Variants in GNL3 observed in about 807,000 individuals in gnomAD.
The protein encoded by GNL3 is guanine nucleotide-binding protein-like 3.
In GNL3, 77 loss-of-function variants were observed where a neutral mutation model predicts 70.6. The ratio of observed to expected loss-of-function variants is 1.09; its 90% confidence interval spans 0.91 to 1.32. The LOEUF is 1.32. GNL3 is among the 40% of genes most tolerant of loss of function. GNL3 has a pLI of 0.00. For missense variants in GNL3, 634 were observed against 644.0 expected, an observed-to-expected ratio of 0.98 and a Z score of 0.17; for synonymous variants, 252 against 216.1, an observed-to-expected ratio of 1.17 and a Z score of -1.46.
At position 52,690,934 on chromosome 3, in the gene GNL3, T is replaced by A. The variant is rs2154099617; in HGVS notation, c.655-11T>A. 1 of 1,613,432 alleles carries A rather than the reference T, an allele frequency of 6.2e-7. No individual in the cohort carries two copies. Among genetic ancestry groups the A allele is most frequent in the East Asian group, 2.2e-5 (1 of 44,870 alleles). ...AAGTTGCCAGAATAATTCAACTATT[T>A]GGAATTTTAGCGTGTGAAGGCAAAG... On this transcript the variant is annotated splice_polypyrimidine_tract_variant and intron_variant, in intron 7 of 14. Transcript: ENST00000418458.
At chr3:52,686,994 A>G in intron 2 of GNL3, 167 bp downstream of exon 2, 1 of 634,994 alleles carries the variant, frequency 1.6e-6, no homozygotes, top group Non-Finnish European at 2.8e-6. Context: ...GCTGTGAGAA[A>G]GTGCAGTGAT....
rs1471865929 is a variant in GNL3 at position 52,686,053 on chromosome 3, G to A, written c.-40G>A. On this transcript the variant is annotated 5_prime_UTR_variant, in exon 1 of 15. Coordinates refer to ENST00000418458, the MANE Select transcript of GNL3 (RefSeq NM_014366.5). The stretch of plus-strand genomic sequence containing the variant: ...CTTCAGTTCACACGTGGCGCCAGCG[G>A]AGGCAGGTTGATGTGTTTGTGCTTC... 2 of 936,856 alleles carry A rather than the reference G, an allele frequency of 2.1e-6. No individual in the cohort carries two copies. The highest frequency in any genetic ancestry group is 1.6e-5 in the African/African-American group (1 of 62,320). 58.0% of individuals were successfully genotyped at this position (936,856 alleles called of 1,614,324 possible).
At position 52,689,213 on chromosome 3, in the gene GNL3, A is replaced by T. The variant is rs368467956; in HGVS notation, c.541+7A>T. On this transcript the variant is annotated splice_region_variant and intron_variant, in intron 6 of 14. Transcript: ENST00000418458. ...CTTATATTAAATAAATCAGGTGAGT[A>T]AAGAGGGTACCCTTTGTCTTCTGTG... is the stretch of plus-strand genomic sequence containing the variant. 3.1e-6 allele frequency: 5 copies of T among 1,612,050 alleles called. No homozygotes were observed. The African/African-American group carries it at 6.7e-5, about 22-fold the overall frequency.
Position 52,694,058 on chromosome 3 carries a change from G to A in GNL3, c.1522G>A (p.Ala508Thr). 1 of 1,613,992 alleles carries A rather than the reference G, an allele frequency of 6.2e-7. No homozygotes were observed. The highest frequency in any genetic ancestry group is 8.5e-7 in the Non-Finnish European group (1 of 1,179,832). Residue 508 changes from alanine to threonine, a missense_variant, in exon 14 of 15, where the codon GCT becomes ACT. Transcript: ENST00000418458. ...ACAGGAAAACAGCTCAGGCATGTTT[G>A]CTGCAGAAGAGACAGGGGAGGCACT... ...EVDENSSGMFAAEETGEALSE... is the reference protein window; with the variant it reads ...EVDENSSGMFTAEETGEALSE...
intron 9 of GNL3, 60 bp downstream of exon 9, chr3:52,691,689 C>A: frequency 2.2e-6 from 2 of 897,984 alleles, no homozygotes; most frequent in Non-Finnish European, 3.6e-6. Flanking sequence ...TTTTGGTTAT[C>A]TCAAGGAAGG....
At position 52,689,090 on chromosome 3, in the gene GNL3, ATGT is replaced by A. The variant is rs772503034; in HGVS notation, c.429_431del (p.Val144del). On this transcript the variant is annotated inframe_deletion, in exon 6 of 15. Transcript: ENST00000418458. ...CCTTGATAGGTGATTGAAGCCTCCGATGTTGTCCTAGAGGTGTTGGATGCCAGA... is the reference window on the plus strand; with the variant it reads ...CCTTGATAGGTGATTGAAGCCTCCGATGTCCTAGAGGTGTTGGATGCCAGA... 6 of 1,613,452 alleles carry A rather than the reference ATGT, an allele frequency of 3.7e-6. No individual in the cohort carries two copies. The African/African-American group carries it at 5.3e-5, about 14-fold the overall frequency.
chr3:52,686,747 TTTG>T lies in GNL3; in HGVS notation c.14-20_14-18del. On this transcript the variant is annotated intron_variant, in intron 1 of 14. Coordinates refer to ENST00000418458, the MANE Select transcript of GNL3 (RefSeq NM_014366.5). ...AGAACTAATCATTTGGGTTAACAGATTTGTGATGTGTTTCTTTGTAGAGTTAAA... is the reference window on the plus strand; with the variant it reads ...AGAACTAATCATTTGGGTTAACAGATTGATGTGTTTCTTTGTAGAGTTAAA... 1 of 1,579,744 alleles carries T rather than the reference TTTG, an allele frequency of 6.3e-7. No individual in the cohort carries two copies. The highest frequency in any genetic ancestry group is 8.7e-7 in the Non-Finnish European group (1 of 1,148,606).
In GNL3 at chr3:52,694,237, G is replaced by A; in HGVS notation, c.1612G>A (p.Glu538Lys). 6.3e-7 allele frequency: 1 copy of A among 1,591,360 alleles called. No homozygotes were observed. The highest frequency in any genetic ancestry group is 8.6e-7 in the Non-Finnish European group (1 of 1,160,720). Residue 538 changes from glutamate to lysine, a missense_variant, in exon 15 of 15, where the codon GAG becomes AAG. By Grantham distance (56) the Glu-to-Lys change is moderately conservative. Transcript: ENST00000418458. ...RSFILDKIIE[E>K]DDAYDFSTDY... is the part of the protein sequence containing the mutation. Reference sequence around the variant, plus strand: ...TTTTATCTTGGATAAAATCATTGAAGAGGATGATGCTTATGACTTCAGTAC... The same window carrying A: ...TTTTATCTTGGATAAAATCATTGAAAAGGATGATGCTTATGACTTCAGTAC...
chr3:52,692,438 C>T (rs991661768), intron 9 of GNL3, among the ~76,000 whole-genome samples: 2 of 143,780 alleles, frequency 1.4e-5, no homozygotes, highest in African/African-American at 5.2e-5. Context: ...TGGCTCACTG[C>T]AACCTCAGCC....
In GNL3 at chr3:52,691,016, A is replaced by G. The variant is rs942624083; in HGVS notation, c.726A>G (p.Lys242=). Reference sequence around the variant, plus strand: ...GCTTTGGGAAAGAGGGCCTTTGGAAACTTCTTGGAGGTTTTCAGGAAACTT... The same window carrying G: ...GCTTTGGGAAAGAGGGCCTTTGGAAGCTTCTTGGAGGTTTTCAGGAAACTT... ...EVCFGKEGLW[K]LLGGFQETCS... is the part of the protein sequence containing the mutation. The change falls in exon 8 of 15, where the codon AAA becomes AAG. Residue 242 remains lysine (K), a synonymous_variant. Transcript: ENST00000418458. The G allele has an allele frequency of 8.7e-6, 14 of 1,613,878 alleles. No individual in the cohort carries two copies. Among genetic ancestry groups the G allele is most frequent in the Non-Finnish European group, 1.2e-5 (14 of 1,179,784 alleles).
rs776562589 is a variant in GNL3, at chr3:52,689,190, T to C, written c.525T>C (p.Leu175=). 8 of 1,613,294 alleles carry C rather than the reference T, an allele frequency of 5.0e-6. No homozygotes were observed. In the African/African-American group the frequency reaches 1.1e-4, roughly 22 times the overall value. ...IVQSGQKKLV[L]ILNKSDLVPK... ...AGAGTGGACAGAAAAAGCTGGTACTTATATTAAATAAATCAGGTGAGTAAA... is the reference window on the plus strand; with the variant it reads ...AGAGTGGACAGAAAAAGCTGGTACTCATATTAAATAAATCAGGTGAGTAAA... The change falls in exon 6 of 15, where the codon CTT becomes CTC. Residue 175 remains leucine (L), a synonymous_variant. Coordinates refer to ENST00000418458, the MANE Select transcript of GNL3 (RefSeq NM_014366.5).
rs760244918 is a variant in GNL3, at chr3:52,689,161, G to A, written c.496G>A (p.Val166Ile). 8.7e-6 allele frequency: 14 copies of A among 1,613,006 alleles called. No individual in the cohort carries two copies. Among genetic ancestry groups the A allele is most frequent in the Admixed American group, 1.7e-5 (1 of 60,024 alleles). ...ATGTCCTCAGGTAGAAGAGGCCATT[G>A]TCCAGAGTGGACAGAAAAAGCTGGT... Reference protein sequence around the residue: ...CRCPQVEEAIVQSGQKKLVLI... With the variant: ...CRCPQVEEAIIQSGQKKLVLI... The change falls in exon 6 of 15, where the codon GTC becomes ATC. Residue 166 changes from valine (V) to isoleucine (I), a missense_variant. Coordinates refer to ENST00000418458, the MANE Select transcript of GNL3 (RefSeq NM_014366.5).
rs2097324005 is a variant in GNL3 at position 52,688,136 on chromosome 3, A to G, written c.352A>G (p.Lys118Glu). The G allele has an allele frequency of 3.1e-6, 5 of 1,611,710 alleles. No individual in the cohort carries two copies. Among genetic ancestry groups the G allele is most frequent in the Non-Finnish European group, 4.2e-6 (5 of 1,177,722 alleles). Residue 118 changes from lysine to glutamate, a missense_variant, in exon 5 of 15, where the codon AAA becomes GAA. Transcript: ENST00000418458. ...GTTTGGGCTTTGCAAAACTGAGAAC[A>G]AAGCCAAGTCGGGCAAACAGAATTC... ...KEFGLCKTEN[K>E]AKSGKQNSKK...
chr3:52,687,928 G>A (rs766964511), intron 4 of GNL3, 181 bp from the exon 5 acceptor site: 10 of 609,394 alleles, frequency 1.6e-5, no homozygotes, highest in Non-Finnish European at 2.9e-5. Flanking sequence ...GATGAGTTCT[G>A]ATGCAGAAAT....
intron 9 of GNL3, among the ~76,000 whole-genome samples, chr3:52,692,469 A>AG (rs2097328196): frequency 6.7e-6 from 1 of 149,548 alleles, no homozygotes. Context: ...CTGGGATCAA[A>AG]GGCACCCGGC....
intron 14 of GNL3, 44 bp downstream of exon 14, chr3:52,694,147 A>G (rs376939821): frequency 4.4e-6 from 7 of 1,591,298 alleles, no homozygotes; most frequent in African/African-American, 1.3e-5. Context: ...CATGGTATAG[A>G]ATCACTTTTA....
intron 7 of GNL3, 28 bp downstream of exon 7, chr3:52,690,732 G>C: frequency 3.0e-6 from 4 of 1,333,064 alleles, no homozygotes; most frequent in Non-Finnish European, 4.3e-6. Flanking sequence ...TAAGAAATGT[G>C]ATTCTTTCAG....
chr3:52,689,184 G>A lies in GNL3; in HGVS notation c.519G>A (p.Leu173=). 6.2e-7 allele frequency: 1 copy of A among 1,613,354 alleles called. No homozygotes were observed. The highest frequency in any genetic ancestry group is 8.5e-7 in the Non-Finnish European group (1 of 1,179,374). ...TTGTCCAGAGTGGACAGAAAAAGCT[G>A]GTACTTATATTAAATAAATCAGGTG... ...EAIVQSGQKK[L]VLILNKSDLV... is the part of the protein sequence containing the mutation. The change falls in exon 6 of 15, where the codon CTG becomes CTA. Residue 173 remains leucine (L), a synonymous_variant. Transcript: ENST00000418458.
At chr3:52,691,864 G>A (rs957568519) in intron 9 of GNL3, among the ~76,000 whole-genome samples, 5 of 151,992 alleles carry the variant, frequency 3.3e-5, no homozygotes, top group Admixed American at 1.3e-4. Context: ...CCCCACGCCC[G>A]GCTAATTTTG....
Sources: gnomAD v4.1 joint callset for allele counts (sites outside exome capture counted in the v4.1 genomes callset) on GRCh38, gnomAD v4.1.1 for gene constraint, MANE v1.5 for transcripts, NCBI Gene and HGNC (gene_info 2026-07-23, HGNC 2026-07-21) for gene names.